GALNTL6: variants seen among roughly 807,000 people sequenced by gnomAD.
The protein encoded by GALNTL6 is polypeptide N-acetylgalactosaminyltransferase like 6, also known as polypeptide N-acetylgalactosaminyltransferase-like 6.
A neutral mutation model predicts 73.7 loss-of-function variants in GALNTL6; 46 were observed. That is an observed-to-expected ratio of 0.62 (90% CI 0.49 to 0.80). The LOEUF (loss-of-function observed/expected upper bound fraction) is 0.80, where lower values mean the gene tolerates loss of function less well. Among genes scored for constraint, GALNTL6 ranks in the 30% least tolerant of loss-of-function variants. GALNTL6 has a pLI of 0.00. For synonymous variants in GALNTL6, 259 were observed against 263.7 expected (o/e 0.98, Z 0.17); for missense variants, 604 against 755.0 (o/e 0.80, Z 2.34).
At chr4:171,951,022 A>G (rs405831) in intron 2 of GALNTL6, among the ~76,000 whole-genome samples, 74,830 of 151,918 alleles carry the variant, frequency 0.49, 18,917 homozygotes, top group East Asian at 0.66. Flanking sequence ...TTATAGAAAC[A>G]TATCCAAGTG....
At chr4:172,285,826 TTC>T (rs1739224779) in intron 3 of GALNTL6, among the ~76,000 whole-genome samples, 1 of 152,206 alleles carries the variant, frequency 6.6e-6, no homozygotes, top group Admixed American at 6.5e-5. Flanking sequence ...GGAGTTTACT[TTC>T]TTGCCTGTCC....
At chr4:171,835,459 A>T (rs1735073813) in intron 2 of GALNTL6, among the ~76,000 whole-genome samples, 1 of 152,048 alleles carries the variant, frequency 6.6e-6, no homozygotes, top group Non-Finnish European at 1.5e-5. Context: ...CTATAGCAAT[A>T]GTTTATTTAT....
At chr4:171,923,060 AAAT>A (rs1326696799) in intron 2 of GALNTL6, among the ~76,000 whole-genome samples, 5 of 152,132 alleles carry the variant, frequency 3.3e-5, no homozygotes, top group Non-Finnish European at 5.9e-5. Context: ...CCACAAATAT[AAAT>A]AATATTTATA....
At chr4:172,614,842 C>T (rs1007470213) in intron 5 of GALNTL6, among the ~76,000 whole-genome samples, 1 of 152,032 alleles carries the variant, frequency 6.6e-6, no homozygotes, top group Non-Finnish European at 1.5e-5. Flanking sequence ...TATTAGAATT[C>T]TAAAAGATCA....
chr4:172,781,441 T>A (rs1308999201), intron 5 of GALNTL6, among the ~76,000 whole-genome samples: 3 of 152,110 alleles, frequency 2.0e-5, no homozygotes, highest in Non-Finnish European at 2.9e-5. Context: ...GAGAATAAAA[T>A]GAAACAAGTA....
chr4:172,678,308 T>C (rs1260146316), intron 5 of GALNTL6, among the ~76,000 whole-genome samples: 1 of 117,034 alleles, frequency 8.5e-6, no homozygotes, highest in South Asian at 3.3e-4. Flanking sequence ...GCCCAGTTTT[T>C]AGTCTTTTCT....
chr4:172,740,395 G>A (rs970909097), intron 5 of GALNTL6, among the ~76,000 whole-genome samples: 3 of 152,288 alleles, frequency 2.0e-5, no homozygotes, highest in African/African-American at 7.2e-5. Flanking sequence ...TTCACTTTGT[G>A]AAAAGTCATC....
intron 2 of GALNTL6, among the ~76,000 whole-genome samples, chr4:172,117,699 GTGCACTAGAATGGAAC>G (rs1259952840): frequency 6.6e-5 from 10 of 152,052 alleles, no homozygotes; most frequent in Non-Finnish European, 1.2e-4. Flanking sequence ...TGGCCTATTC[GTGCACTAGAATGGAAC>G]TGAGCAATGA....
chr4:172,106,857 G>A (rs1011903039), intron 2 of GALNTL6, among the ~76,000 whole-genome samples: 1 of 152,028 alleles, frequency 6.6e-6, no homozygotes, highest in Non-Finnish European at 1.5e-5. Flanking sequence ...AATATCACTA[G>A]TCATTTTGTG....
chr4:172,047,330 A>G (rs1022494743), intron 2 of GALNTL6, among the ~76,000 whole-genome samples: 4 of 152,168 alleles, frequency 2.6e-5, no homozygotes, highest in African/African-American at 9.6e-5. Context: ...AAGTATACAA[A>G]CAGGTTCTGG....
chr4:172,893,283 C>T (rs1347116294), intron 8 of GALNTL6, among the ~76,000 whole-genome samples: 4 of 151,956 alleles, frequency 2.6e-5, no homozygotes, highest in Admixed American at 2.6e-4. Flanking sequence ...GAGAGAGGGG[C>T]ACCCAGCTCC....
chr4:171,937,329 T>A (rs192653916), intron 2 of GALNTL6, among the ~76,000 whole-genome samples: 1 of 152,272 alleles, frequency 6.6e-6, no homozygotes. Context: ...ATTTTTCCAA[T>A]TATGTAAGTC....
intron 2 of GALNTL6, among the ~76,000 whole-genome samples, chr4:172,131,444 CAT>C (rs1733494046): frequency 1.5e-5 from 2 of 136,042 alleles, no homozygotes; most frequent in East Asian, 2.1e-4. Context: ...CACACACACG[CAT>C]ATATATTTTA....
intron 5 of GALNTL6, among the ~76,000 whole-genome samples, chr4:172,543,677 G>T (rs925897062): frequency 6.6e-6 from 1 of 152,324 alleles, no homozygotes. Context: ...TTTCAAGGGA[G>T]TCTCTTTTCT....
intron 2 of GALNTL6, among the ~76,000 whole-genome samples, chr4:172,114,039 G>A (rs772671026): frequency 5.3e-5 from 8 of 152,080 alleles, no homozygotes; most frequent in African/African-American, 1.4e-4. Flanking sequence ...TTTAGCTGAA[G>A]AGAAAGTAAT....
intron 5 of GALNTL6, among the ~76,000 whole-genome samples, chr4:172,429,616 T>A (rs1364619287): frequency 6.6e-6 from 1 of 152,210 alleles, no homozygotes; most frequent in African/African-American, 2.4e-5. Context: ...GCAATCTTTC[T>A]ATCAGAATCA....
intron 2 of GALNTL6, among the ~76,000 whole-genome samples, chr4:172,192,642 C>T (rs1199496957): frequency 6.6e-6 from 1 of 152,160 alleles, no homozygotes; most frequent in Non-Finnish European, 1.5e-5. Flanking sequence ...ACCTAGGAAA[C>T]CATACTGTTT....
At chr4:171,829,732 C>T (rs1306247370) in intron 2 of GALNTL6, among the ~76,000 whole-genome samples, 1 of 151,968 alleles carries the variant, frequency 6.6e-6, no homozygotes, top group African/African-American at 2.4e-5. Flanking sequence ...ATATCAACTA[C>T]CTGTTCAGGT....
chr4:172,605,468 A>C (rs900333507), intron 5 of GALNTL6, among the ~76,000 whole-genome samples: 1 of 152,178 alleles, frequency 6.6e-6, no homozygotes, highest in African/African-American at 2.4e-5. Flanking sequence ...TATTTTCAAC[A>C]GAATGAAATG....
Sources: allele counts gnomAD v4.1 joint callset (sites outside exome capture counted in the v4.1 genomes callset), GRCh38; gene constraint gnomAD v4.1.1; transcripts MANE v1.5; gene names NCBI Gene and HGNC (gene_info 2026-07-23, HGNC 2026-07-21).